Variants in PM20D2 observed in about 807,000 individuals in gnomAD.
PM20D2 encodes xaa-Arg dipeptidase.
A neutral mutation model predicts 42.9 loss-of-function variants in PM20D2; 33 were observed. The observed-to-expected ratio is 0.77, with a 90% CI of 0.58 to 1.03. The LOEUF is 1.03. PM20D2 is among the 50% of genes least tolerant of loss of function. PM20D2 has a pLI of 0.00. For synonymous variants in PM20D2, 250 were observed against 228.2 expected (o/e 1.10, Z -0.86); for missense variants, 548 against 557.0 (o/e 0.98, Z 0.16).
chr6:89,130,819 C>CCTTTTTTT, the PM20D2 span, among the ~76,000 whole-genome samples: 1 of 24,038 alleles, frequency 4.2e-5, no homozygotes, highest in African/African-American at 1.4e-4. Context: ...GCTTCTTCTT[C>CCTTTTTTT]TTTTTTTTTT....
the PM20D2 span, among the ~76,000 whole-genome samples, chr6:89,129,287 CAG>C: frequency 6.6e-6 from 1 of 151,898 alleles, no homozygotes; most frequent in Non-Finnish European, 1.5e-5. Context: ...GCATTCTACA[CAG>C]AATGAAAAAA....
At chr6:89,114,530 A>G in the PM20D2 span, among the ~76,000 whole-genome samples, 1 of 152,180 alleles carries the variant, frequency 6.6e-6, no homozygotes, top group African/African-American at 2.4e-5. Context: ...CACAGTGAGT[A>G]TTCAACAAAT....
At position 89,158,219 on chromosome 6, in the gene PM20D2, A is replaced by G; in HGVS notation, c.913-106A>G. On this transcript the variant is annotated intron_variant, in intron 4 of 6. Transcript: ENST00000275072. Reference sequence around the variant, plus strand: ...AGTGTTTATATCTGGAAGGGAAAGTATCTTCTCTTAAAACCTCTTCCTATT... The same window carrying G: ...AGTGTTTATATCTGGAAGGGAAAGTGTCTTCTCTTAAAACCTCTTCCTATT... The G allele has an allele frequency of 3.0e-6, 3 of 987,090 alleles. No homozygotes were observed. The South Asian group carries it at 5.2e-5, about 17-fold the overall frequency. 61.1% of individuals were successfully genotyped at this position (987,090 alleles called of 1,614,324 possible).
chr6:89,107,585 G>A, the PM20D2 span, among the ~76,000 whole-genome samples: 2 of 152,022 alleles, frequency 1.3e-5, no homozygotes, highest in Admixed American at 1.3e-4. Flanking sequence ...ACAAAAATCA[G>A]CCAGGTGTGG....
chr6:89,097,082 GT>G, the PM20D2 span: 3 of 152,144 alleles, frequency 2.0e-5, no homozygotes, highest in Admixed American at 6.5e-5. Flanking sequence ...ATTGTTTAAG[GT>G]TGTTTCTTAC....
the PM20D2 span, among the ~76,000 whole-genome samples, chr6:89,129,632 G>A: frequency 1.0e-5 from 1 of 100,406 alleles, no homozygotes; most frequent in African/African-American, 4.1e-5. Context: ...CCACTCTGTT[G>A]TCCAGGCTGG....
chr6:89,094,141 G>A, the PM20D2 span, among the ~76,000 whole-genome samples: 2 of 151,762 alleles, frequency 1.3e-5, no homozygotes, highest in East Asian at 1.9e-4. Flanking sequence ...TGCTGGTCTC[G>A]AACTCCTGAC....
At chr6:89,096,384 T>C in the PM20D2 span, 1 of 152,236 alleles carries the variant, frequency 6.6e-6, no homozygotes, top group Non-Finnish European at 1.5e-5. Context: ...GATATTTACC[T>C]CATAAGAGTG....
the PM20D2 span, chr6:89,117,992 A>AC: frequency 8.0e-7 from 1 of 1,247,894 alleles, no homozygotes; most frequent in Middle Eastern, 2.5e-4. Context: ...CCCCGGCGCG[A>AC]CCCCCACCCC....
the PM20D2 span, among the ~76,000 whole-genome samples, chr6:89,114,245 T>A: frequency 6.6e-6 from 1 of 152,072 alleles, no homozygotes; most frequent in Non-Finnish European, 1.5e-5. Flanking sequence ...CTGGCCAACA[T>A]GATGAAACCC....
At chr6:89,136,626 T>C in the PM20D2 span, among the ~76,000 whole-genome samples, 121,736 of 150,488 alleles carry the variant, frequency 0.81, 49,980 homozygotes, top group African/African-American at 0.93. Context: ...TGCAGTGAGC[T>C]AAGATCGCGC....
At chr6:89,158,007 A>C (rs531142357) in intron 4 of PM20D2, among the ~76,000 whole-genome samples, 1 of 152,330 alleles carries the variant, frequency 6.6e-6, no homozygotes, top group South Asian at 2.1e-4. Flanking sequence ...ACTCCATCTC[A>C]AAAATAAAAT....
the PM20D2 span, among the ~76,000 whole-genome samples, chr6:89,111,125 T>G: frequency 6.7e-6 from 1 of 149,654 alleles, no homozygotes; most frequent in Non-Finnish European, 1.5e-5. Context: ...TTTTTTTTTT[T>G]GGAGATGGAA....
At chr6:89,109,076 G>T in the PM20D2 span, among the ~76,000 whole-genome samples, 1 of 152,094 alleles carries the variant, frequency 6.6e-6, no homozygotes, top group Non-Finnish European at 1.5e-5. Flanking sequence ...AATATAATGA[G>T]AAACAAGAAA....
chr6:89,118,287 T>C, the PM20D2 span, among the ~76,000 whole-genome samples: 3 of 151,726 alleles, frequency 2.0e-5, no homozygotes, highest in African/African-American at 2.4e-5. Flanking sequence ...ACGCCGGGGG[T>C]TAGAGGACCC....
chr6:89,111,109 CTTTT>C, the PM20D2 span, among the ~76,000 whole-genome samples: 4 of 120,726 alleles, frequency 3.3e-5, no homozygotes, highest in East Asian at 4.7e-4. Context: ...TGAGACTTGT[CTTTT>C]TTTTTTTTTT....
chr6:89,103,713 G>T, the PM20D2 span, among the ~76,000 whole-genome samples: 2 of 152,070 alleles, frequency 1.3e-5, no homozygotes, highest in Non-Finnish European at 2.9e-5. Flanking sequence ...ACCCGCCTTG[G>T]CCTCCCAAAG....
chr6:89,115,690 G>A, the PM20D2 span, among the ~76,000 whole-genome samples: 2 of 144,944 alleles, frequency 1.4e-5, no homozygotes, highest in East Asian at 4.0e-4. Context: ...AGGCTGGAGT[G>A]CAGTGGCGCG....
At chr6:89,134,751 C>T in the PM20D2 span, among the ~76,000 whole-genome samples, 1 of 151,020 alleles carries the variant, frequency 6.6e-6, no homozygotes, top group Non-Finnish European at 1.5e-5. Context: ...AAAAGCAGAG[C>T]CTGAGATGGA....
Sources: gnomAD v4.1 joint callset for allele counts (sites outside exome capture counted in the v4.1 genomes callset) on GRCh38, gnomAD v4.1.1 for gene constraint, MANE v1.5 for transcripts, NCBI Gene and HGNC (gene_info 2026-07-23, HGNC 2026-07-21) for gene names.